Variants in CCDC57 observed in about 807,000 individuals in gnomAD.
CCDC57 encodes the protein coiled-coil domain containing 57, also known as coiled-coil domain-containing protein 57.
In CCDC57, 118 loss-of-function variants were observed where a neutral mutation model predicts 118.9. The observed-to-expected ratio is 0.99, with a 90% CI of 0.86 to 1.16. The LOEUF (loss-of-function observed/expected upper bound fraction) is 1.16, where lower values mean the gene tolerates loss of function less well. Ranked by LOEUF, CCDC57 falls within the 50% of genes most tolerant of loss-of-function variation. CCDC57 has a pLI of 0.00. For missense variants in CCDC57, 1,300 were observed against 1,320.7 expected, an observed-to-expected ratio of 0.98 and a Z score of 0.24; for synonymous variants, 527 against 532.9, an observed-to-expected ratio of 0.99 and a Z score of 0.15.
chr17:82,152,919 C>T (rs1490892219), intron 15 of CCDC57, among the ~76,000 whole-genome samples: 2 of 152,134 alleles, frequency 1.3e-5, no homozygotes, highest in Non-Finnish European at 2.9e-5. Flanking sequence ...GATGACACAT[C>T]GAAGGGGAGA....
intron 19 of CCDC57, among the ~76,000 whole-genome samples, chr17:82,114,331 T>G (rs1426869449): frequency 1.3e-5 from 2 of 151,970 alleles, no homozygotes; most frequent in Non-Finnish European, 2.9e-5. Flanking sequence ...CATGGGGACT[T>G]CTGGCTGGGT....
At chr17:82,167,413 C>T (rs555082201) in intron 13 of CCDC57, among the ~76,000 whole-genome samples, 28 of 150,658 alleles carry the variant, frequency 1.9e-4, no homozygotes, top group South Asian at 1.3e-3. Flanking sequence ...TGCAGTGGCG[C>T]GATGTCGGCT....
chr17:82,203,450 T>C (rs750970698), intron 2 of CCDC57, among the ~76,000 whole-genome samples: 3 of 152,220 alleles, frequency 2.0e-5, no homozygotes, highest in Non-Finnish European at 4.4e-5. Flanking sequence ...TTGTTCATCA[T>C]GGACTGATAT....
Position 82,183,649 on chromosome 17 carries a change from G to A in CCDC57, c.1211+125C>T. The A allele has an allele frequency of 3.1e-6, 3 of 966,066 alleles. No individual in the cohort carries two copies. In the East Asian group the frequency reaches 8.0e-5, roughly 26 times the overall value. The allele number at this position is 966,066 out of a possible 1,614,324, so 59.8% of individuals were successfully genotyped here. ...AGACATTCTATCTGTCTTGTTCACT[G>A]TCTTTCTCCCCCAAGAAAATGTGAG... On this transcript the variant is annotated intron_variant, in intron 9 of 19. Transcript: ENST00000665763.
At position 82,169,041 on chromosome 17, in the gene CCDC57, C is replaced by T. The variant is rs2044340567; in HGVS notation, c.1882+2660G>A. Among the ~76,000 whole-genome samples, 5 of 152,122 alleles carry T rather than the reference C, an allele frequency of 3.3e-5. No individual in the cohort carries two copies. In the South Asian group the frequency reaches 1.0e-3, roughly 32 times the overall value. On this transcript the variant is annotated intron_variant, in intron 13 of 19. Transcript: ENST00000665763. ...AAAGACAGCTATTATCAACATCATACCGGAGAGTTTAGCTAGGGGCGATAA... is the reference window on the plus strand; with the variant it reads ...AAAGACAGCTATTATCAACATCATATCGGAGAGTTTAGCTAGGGGCGATAA...
rs750089385 is a variant in CCDC57, at chr17:82,108,221, G to A, written c.2900-6355C>T. On this transcript the variant is annotated intron_variant, in intron 19 of 19. Transcript: ENST00000665763. ...ACGAGTGACCTGCGGCCGCTCTGGC[G>A]CTCTGCCTCCTAGTGAGATGAGTGT... Among the ~76,000 whole-genome samples the A allele has an allele frequency of 2.0e-5, 3 of 152,328 alleles. No individual in the cohort carries two copies. The East Asian group carries it at 5.8e-4, about 29-fold the overall frequency.
intron 2 of CCDC57, among the ~76,000 whole-genome samples, chr17:82,206,811 C>G (rs141698610): frequency 7.8e-4 from 118 of 152,234 alleles, no homozygotes; most frequent in Non-Finnish European, 1.0e-3. Flanking sequence ...GTCTTTGAAC[C>G]ACCATTGCAA....
chr17:82,170,305 C>T (rs568148037), intron 13 of CCDC57, among the ~76,000 whole-genome samples: 6 of 152,006 alleles, frequency 3.9e-5, no homozygotes, highest in Non-Finnish European at 7.4e-5. Context: ...GTCAGGAGTT[C>T]GGGACCAGCC....
intron 19 of CCDC57, among the ~76,000 whole-genome samples, chr17:82,114,355 C>T (rs1245852651): frequency 6.6e-6 from 1 of 151,530 alleles, no homozygotes; most frequent in South Asian, 2.1e-4. Context: ...GGGGGAGGGA[C>T]GGGGGCGTGA....
chr17:82,129,073 C>G (rs556891545), intron 17 of CCDC57, among the ~76,000 whole-genome samples: 1 of 152,242 alleles, frequency 6.6e-6, no homozygotes, highest in South Asian at 2.1e-4. Context: ...CACCCACCAC[C>G]ATGCCCGGCT....
intron 17 of CCDC57, among the ~76,000 whole-genome samples, chr17:82,130,799 C>A (rs11867299): frequency 0.47 from 69,275 of 148,928 alleles, 16,852 homozygotes; most frequent in East Asian, 0.88. Flanking sequence ...CCACCACGCC[C>A]AGCTCCTTTT....
intron 1 of CCDC57, among the ~76,000 whole-genome samples, chr17:82,210,621 A>C (rs979460922): frequency 1.3e-5 from 2 of 151,296 alleles, no homozygotes; most frequent in East Asian, 3.9e-4. Flanking sequence ...CAGAGGTTGC[A>C]GTGAGCCGAG....
intron 19 of CCDC57, among the ~76,000 whole-genome samples, chr17:82,117,684 G>GA (rs35882870): frequency 0.53 from 79,728 of 151,128 alleles, 21,803 homozygotes; most frequent in Non-Finnish European, 0.57. Context: ...AAATGGACTA[G>GA]AAAAAAAAGG....
chr17:82,150,801 A>G (rs1273778199), intron 16 of CCDC57, among the ~76,000 whole-genome samples: 16 of 81,342 alleles, frequency 2.0e-4, no homozygotes, highest in South Asian at 6.5e-4. Context: ...CCAGAACCTG[A>G]CCCACACCCA....
rs1491096351 is a variant in CCDC57, at chr17:82,111,376, CCT to C, written c.2900-9512_2900-9511del. Among the ~76,000 whole-genome samples, 1,090 of 140,204 alleles carry C rather than the reference CCT, an allele frequency of 7.8e-3. 10 individuals carry two copies. The highest frequency in any genetic ancestry group is 0.029 in the African/African-American group (1,043 of 35,512). 92.0% of individuals were successfully genotyped at this position (140,204 alleles called of 152,430 possible). A position where few individuals can be genotyped will look rare whatever the true frequency, so the allele number is the denominator to read the frequency against. ...CTTGGCCTCTCAAAGTGCCTAGGGC[CCT>C]TTTTTTTTTTTTTTTTTTGAGAGGC... On this transcript the variant is annotated intron_variant, in intron 19 of 19. Coordinates refer to ENST00000665763, the Ensembl canonical transcript of CCDC57.
intron 19 of CCDC57, among the ~76,000 whole-genome samples, chr17:82,124,063 G>A (rs921112981): frequency 1.3e-5 from 2 of 151,950 alleles, no homozygotes; most frequent in African/African-American, 2.4e-5. Flanking sequence ...GCTAGAATTG[G>A]TGGTGGTGGC....
chr17:82,159,399 G>A (rs942035932), intron 14 of CCDC57, among the ~76,000 whole-genome samples: 3 of 152,194 alleles, frequency 2.0e-5, no homozygotes, highest in Admixed American at 6.5e-5. Context: ...GCCCCTTCAC[G>A]GGCACATGGA....
chr17:82,132,139 GAATA>G (rs986600029), intron 17 of CCDC57, among the ~76,000 whole-genome samples: 3 of 134,692 alleles, frequency 2.2e-5, no homozygotes, highest in Non-Finnish European at 4.8e-5. Flanking sequence ...AAAAAAAAAA[GAATA>G]AATAAGAAAG....
chr17:82,203,713 G>C (rs947177541), intron 2 of CCDC57, among the ~76,000 whole-genome samples: 1 of 152,168 alleles, frequency 6.6e-6, no homozygotes, highest in African/African-American at 2.4e-5. Flanking sequence ...TTTGGACACA[G>C]AAATCCCCCA....
Sources: gnomAD v4.1 joint callset for allele counts (sites outside exome capture counted in the v4.1 genomes callset) on GRCh38, gnomAD v4.1.1 for gene constraint, MANE v1.5 for transcripts, NCBI Gene and HGNC (gene_info 2026-07-23, HGNC 2026-07-21) for gene names.